Variants in ZNF385D observed in about 807,000 individuals in gnomAD.
The protein encoded by ZNF385D is zinc finger protein 659.
ZNF385D carries 15 observed loss-of-function variants against 35.8 expected under a neutral mutation model. The ratio of observed to expected loss-of-function variants is 0.42; its 90% CI spans 0.28 to 0.64. The LOEUF is 0.64. Ranked by LOEUF, ZNF385D falls within the 30% of genes least tolerant of loss-of-function variation. The pLI, the probability that ZNF385D is intolerant of heterozygous loss-of-function variation, is 0.23. For missense variants in ZNF385D, 474 were observed against 494.6 expected (o/e 0.96, Z 0.39); for synonymous variants, 212 against 186.8 (o/e 1.13, Z -1.10).
chr3:22,134,016 AACAG>A (rs981435992), intron 3 of ZNF385D: 7 of 152,146 alleles, frequency 4.6e-5, no homozygotes, highest in African/African-American at 1.7e-4. Flanking sequence ...GAAAAGGGGA[AACAG>A]ACAGAAAATC....
In ZNF385D at chr3:21,937,832, T is replaced by C. The variant is rs142908864; in HGVS notation, c.325+230985A>G. Among the ~76,000 whole-genome samples, 9 of 152,322 alleles carry C rather than the reference T, an allele frequency of 5.9e-5. No homozygotes were observed. The East Asian group carries it at 1.7e-3, about 29-fold the overall frequency. On this transcript the variant is annotated intron_variant, in intron 3 of 5. Transcript: ENST00000494108. ...ATGCTTGCTTTAAATGTAGTTAATA[T>C]AAGACAATATGTATGTAGCTTTAAG...
At chr3:21,566,149 G>T (rs934978462) in intron 2 of ZNF385D, among the ~76,000 whole-genome samples, 1 of 152,116 alleles carries the variant, frequency 6.6e-6, no homozygotes, top group Admixed American at 6.6e-5. Flanking sequence ...GCTTTCCATA[G>T]GCTAATCACT....
intron 3 of ZNF385D, among the ~76,000 whole-genome samples, chr3:21,898,244 C>T (rs886440893): frequency 6.6e-5 from 10 of 152,042 alleles, no homozygotes; most frequent in African/African-American, 1.9e-4. Context: ...TTATTATCAC[C>T]GAACAATGAA....
chr3:21,613,675 G>C (rs1389511324), intron 2 of ZNF385D, among the ~76,000 whole-genome samples: 1 of 152,146 alleles, frequency 6.6e-6, no homozygotes, highest in Non-Finnish European at 1.5e-5. Flanking sequence ...GCAGTAAATA[G>C]GTACACTTGT....
chr3:22,342,746 GAAAAT>G (rs1411921572), intron 2 of ZNF385D, among the ~76,000 whole-genome samples: 2 of 152,182 alleles, frequency 1.3e-5, no homozygotes, highest in Non-Finnish European at 2.9e-5. Flanking sequence ...AAAGAATATA[GAAAAT>G]AATACCTCAG....
At chr3:21,989,043 G>A (rs933543063) in intron 3 of ZNF385D, among the ~76,000 whole-genome samples, 3 of 152,008 alleles carry the variant, frequency 2.0e-5, no homozygotes, top group African/African-American at 4.8e-5. Context: ...ACTGGCCTGT[G>A]CCCACTGTCT....
At chr3:21,612,107 G>T (rs2064699009) in intron 2 of ZNF385D, among the ~76,000 whole-genome samples, 1 of 151,878 alleles carries the variant, frequency 6.6e-6, no homozygotes, top group Non-Finnish European at 1.5e-5. Flanking sequence ...GAGATGGAGT[G>T]TCGCTCTGTA....
intron 1 of ZNF385D, among the ~76,000 whole-genome samples, chr3:21,693,641 G>A (rs938185370): frequency 6.6e-6 from 1 of 152,058 alleles, no homozygotes; most frequent in Non-Finnish European, 1.5e-5. Context: ...AACCAAAAAA[G>A]TATATGTCCT....
At chr3:22,091,758 T>C (rs1701343221) in intron 3 of ZNF385D, among the ~76,000 whole-genome samples, 1 of 152,212 alleles carries the variant, frequency 6.6e-6, no homozygotes, top group African/African-American at 2.4e-5. Context: ...GACTAAGAAG[T>C]CTATTTTCTC....
chr3:21,580,824 T>C (rs1444871326), intron 2 of ZNF385D, among the ~76,000 whole-genome samples: 2 of 152,108 alleles, frequency 1.3e-5, no homozygotes, highest in Non-Finnish European at 2.9e-5. Flanking sequence ...TATATATGTA[T>C]ATACATATTA....
intron 3 of ZNF385D, among the ~76,000 whole-genome samples, chr3:22,104,582 C>A (rs1559371823): frequency 6.6e-6 from 1 of 151,890 alleles, no homozygotes; most frequent in Non-Finnish European, 1.5e-5. Flanking sequence ...TTTTTCAATT[C>A]TTCATTTTTT....
intron 2 of ZNF385D, among the ~76,000 whole-genome samples, chr3:21,662,680 G>C (rs1167463674): frequency 6.6e-6 from 1 of 152,152 alleles, no homozygotes; most frequent in Non-Finnish European, 1.5e-5. Flanking sequence ...ACCATCACTG[G>C]AAGGGAATAA....
intron 2 of ZNF385D, among the ~76,000 whole-genome samples, chr3:21,621,074 A>C (rs1350069875): frequency 6.6e-6 from 1 of 152,112 alleles, no homozygotes; most frequent in East Asian, 1.9e-4. Flanking sequence ...CAGTCTTTAC[A>C]TTGTAAAAAT....
At position 21,437,179 on chromosome 3, in the gene ZNF385D, A is replaced by G; in HGVS notation, c.464T>C (p.Ile155Thr). The G allele has an allele frequency of 6.2e-7, 1 of 1,613,744 alleles. No homozygotes were observed. The highest frequency in any genetic ancestry group is 8.5e-7 in the Non-Finnish European group (1 of 1,179,832). The change falls in exon 5 of 8, where the codon ATA becomes ACA. Residue 155 changes from isoleucine (I) to threonine (T), a missense_variant. Ile to Thr is a moderately conservative substitution (Grantham distance 89). Coordinates refer to ENST00000281523, the MANE Select transcript of ZNF385D (RefSeq NM_024697.3). Reference sequence around the variant, plus strand: ...GATTTCCACAGTTGTCGTCGTTGATATTGCTGGTGTCCCTGCAGTACCGTC... The same window carrying G: ...GATTTCCACAGTTGTCGTCGTTGATGTTGCTGGTGTCCCTGCAGTACCGTC... Reference protein sequence around the residue: ...KTDGTAGTPAISTTTTVEIRK... With the variant: ...KTDGTAGTPATSTTTTVEIRK...
chr3:21,470,744 G>A (rs977063546), intron 4 of ZNF385D, among the ~76,000 whole-genome samples: 5 of 151,972 alleles, frequency 3.3e-5, no homozygotes, highest in Non-Finnish European at 5.9e-5. Context: ...GTTTGACTAC[G>A]GAGGCAAAAT....
At chr3:21,994,079 CT>C (rs1272497624) in intron 3 of ZNF385D, among the ~76,000 whole-genome samples, 2 of 152,198 alleles carry the variant, frequency 1.3e-5, no homozygotes, top group East Asian at 3.8e-4. Flanking sequence ...CCTTCACAAA[CT>C]TTCTTACTGA....
intron 3 of ZNF385D, among the ~76,000 whole-genome samples, chr3:21,982,538 G>C (rs998856927): frequency 5.3e-5 from 8 of 152,094 alleles, no homozygotes; most frequent in African/African-American, 1.7e-4. Context: ...AACAGAAATA[G>C]TTTGACTTCC....
chr3:21,980,042 A>T (rs978141183), intron 3 of ZNF385D, among the ~76,000 whole-genome samples: 19 of 152,162 alleles, frequency 1.2e-4, no homozygotes, highest in Admixed American at 1.1e-3. Flanking sequence ...GTGATATCTG[A>T]GCAAGATGGT....
At chr3:22,194,140 T>C (rs1696246592) in intron 2 of ZNF385D, among the ~76,000 whole-genome samples, 1 of 151,250 alleles carries the variant, frequency 6.6e-6, no homozygotes, top group Admixed American at 6.6e-5. Flanking sequence ...TTAAGAGTTT[T>C]ATAATCTCTT....
Sources: gnomAD v4.1 joint callset for allele counts (sites outside exome capture counted in the v4.1 genomes callset) on GRCh38, gnomAD v4.1.1 for gene constraint, MANE v1.5 for transcripts, NCBI Gene and HGNC (gene_info 2026-07-23, HGNC 2026-07-21) for gene names.